Variants in KHDRBS2 observed in about 807,000 individuals in gnomAD.
KHDRBS2 encodes KH RNA binding domain containing, signal transduction associated 2.
A neutral mutation model predicts 44.3 loss-of-function variants in KHDRBS2; 26 were observed. The ratio of observed to expected loss-of-function variants is 0.59; its 90% CI spans 0.43 to 0.81. The LOEUF (loss-of-function observed/expected upper bound fraction) is 0.81, where lower values mean the gene tolerates loss of function less well. Ranked by LOEUF, KHDRBS2 falls within the 40% of genes least tolerant of loss-of-function variation. The probability of loss-of-function intolerance (pLI) is 0.00; values close to 1 mark genes in which losing one functional copy is unlikely to be tolerated. For synonymous variants in KHDRBS2, 194 were observed against 151.1 expected (o/e 1.28, Z -2.08); for missense variants, 476 against 433.1 (o/e 1.10, Z -0.88).
At chr6:61,668,206 T>C in the KHDRBS2 span, among the ~76,000 whole-genome samples, 103 of 151,110 alleles carry the variant, frequency 6.8e-4, 1 homozygote, top group East Asian at 0.013. Flanking sequence ...ATTTATAAAA[T>C]AGTGTGGTAA....
chr6:61,954,938 G>GTGTATATACATATA (rs1766128975), intron 4 of KHDRBS2, among the ~76,000 whole-genome samples: 1 of 28,898 alleles, frequency 3.5e-5, no homozygotes, highest in Non-Finnish European at 6.2e-5. Context: ...ACATACATAT[G>GTGTATATACATATA]TATGTGTATA....
At chr6:61,766,531 G>A (rs2127574517) in intron 6 of KHDRBS2, among the ~76,000 whole-genome samples, 1 of 151,452 alleles carries the variant, frequency 6.6e-6, no homozygotes, top group Non-Finnish European at 1.5e-5. Flanking sequence ...TACTTTTTTA[G>A]TTCTTTAAGA....
chr6:61,583,929 A>T, the KHDRBS2 span, among the ~76,000 whole-genome samples: 1 of 151,482 alleles, frequency 6.6e-6, no homozygotes, highest in Non-Finnish European at 1.5e-5. Context: ...GTATATATAT[A>T]TCTTTTATTA....
At chr6:61,655,932 A>C in the KHDRBS2 span, among the ~76,000 whole-genome samples, 306 of 152,182 alleles carry the variant, frequency 2.0e-3, 2 homozygotes, top group African/African-American at 6.9e-3. Context: ...ATTGCCTCAA[A>C]GTATTCAGTA....
rs115518549 is a variant in KHDRBS2, at chr6:61,751,682, T to C, written c.811-18918A>G. ...GATTAACCAAATTGGCACAGTCTGATTGAAGGAATGGCCTGTTAGTAGAAA... is the reference window on the plus strand; with the variant it reads ...GATTAACCAAATTGGCACAGTCTGACTGAAGGAATGGCCTGTTAGTAGAAA... On this transcript the variant is annotated intron_variant, in intron 6 of 8. Coordinates refer to ENST00000281156, the MANE Select transcript of KHDRBS2 (RefSeq NM_152688.4). Among the ~76,000 whole-genome samples the C allele has an allele frequency of 1.4e-3, 207 of 152,340 alleles. 2 individuals carry two copies. Among genetic ancestry groups the C allele is most frequent in the African/African-American group, 4.8e-3 (199 of 41,576 alleles).
chr6:61,560,401 C>T, the KHDRBS2 span, among the ~76,000 whole-genome samples: 1 of 152,154 alleles, frequency 6.6e-6, no homozygotes, highest in South Asian at 2.1e-4. Context: ...ACTTCCTACC[C>T]CTATCTCCCT....
Position 62,097,208 on chromosome 6 carries a change from G to C in KHDRBS2, c.220-49214C>G, listed in dbSNP as rs372961869. Among the ~76,000 whole-genome samples, 7 of 151,876 alleles carry C rather than the reference G, an allele frequency of 4.6e-5. No individual in the cohort carries two copies. In the East Asian group the frequency reaches 1.4e-3, roughly 29 times the overall value. On this transcript the variant is annotated intron_variant, in intron 2 of 8. Transcript: ENST00000281156. ...TGAGTAGAGTGCGTATTCTGAAGCT[G>C]TTGAGTAGAATGTTCTGTATAGGTC... is the stretch of plus-strand genomic sequence containing the variant.
intron 1 of KHDRBS2, among the ~76,000 whole-genome samples, chr6:62,284,162 C>T (rs1034747180): frequency 6.6e-6 from 1 of 152,146 alleles, no homozygotes; most frequent in Non-Finnish European, 1.5e-5. Context: ...TACTTATGCA[C>T]TCTGTTAAGA....
At chr6:61,906,223 A>G (rs1202420884) in intron 4 of KHDRBS2, among the ~76,000 whole-genome samples, 3 of 152,162 alleles carry the variant, frequency 2.0e-5, no homozygotes, top group Non-Finnish European at 4.4e-5. Context: ...TATTCTGTGC[A>G]TTATAATTTT....
the KHDRBS2 span, among the ~76,000 whole-genome samples, chr6:61,555,636 C>T: frequency 4.6e-5 from 7 of 152,192 alleles, no homozygotes; most frequent in Non-Finnish European, 8.8e-5. Flanking sequence ...TCTGTATAGG[C>T]TGATGCTCCT....
intron 6 of KHDRBS2, among the ~76,000 whole-genome samples, chr6:61,791,260 T>TTTTTC (rs1467448199): frequency 6.6e-6 from 1 of 151,424 alleles, no homozygotes; most frequent in Non-Finnish European, 1.5e-5. Context: ...CATTATTCTT[T>TTTTTC]TTTTCTTCTA....
At chr6:62,193,385 G>A (rs1052060512) in intron 1 of KHDRBS2, among the ~76,000 whole-genome samples, 2 of 151,986 alleles carry the variant, frequency 1.3e-5, no homozygotes, top group African/African-American at 2.4e-5. Flanking sequence ...AATCAAATAT[G>A]TGTTCTAATT....
the KHDRBS2 span, among the ~76,000 whole-genome samples, chr6:61,589,096 G>T: frequency 6.6e-6 from 1 of 152,074 alleles, no homozygotes; most frequent in African/African-American, 2.4e-5. Context: ...CAAAGGGAAG[G>T]AGAGCATTAG....
intron 6 of KHDRBS2, among the ~76,000 whole-genome samples, chr6:61,802,038 G>T (rs534808585): frequency 6.6e-6 from 1 of 152,086 alleles, no homozygotes; most frequent in African/African-American, 2.4e-5. Flanking sequence ...AGATGGAAAG[G>T]GTCACATGAG....
At chr6:61,802,489 TG>T (rs1319873029) in intron 6 of KHDRBS2, among the ~76,000 whole-genome samples, 1 of 152,164 alleles carries the variant, frequency 6.6e-6, no homozygotes, top group Non-Finnish European at 1.5e-5. Context: ...GTGAAGATAA[TG>T]TTTTCATATT....
intron 2 of KHDRBS2, among the ~76,000 whole-genome samples, chr6:62,105,682 G>A (rs1803051746): frequency 6.6e-6 from 1 of 151,806 alleles, no homozygotes; most frequent in Non-Finnish European, 1.5e-5. Context: ...TTTTTTATTA[G>A]TCTTGCTAGC....
intron 6 of KHDRBS2, among the ~76,000 whole-genome samples, chr6:61,843,565 A>G (rs1318440413): frequency 6.6e-6 from 1 of 151,740 alleles, no homozygotes; most frequent in African/African-American, 2.4e-5. Context: ...CGGGGTTGCC[A>G]TGTTGGCCAG....
intron 6 of KHDRBS2, among the ~76,000 whole-genome samples, chr6:61,855,121 G>T (rs1279703389): frequency 6.6e-6 from 1 of 152,012 alleles, no homozygotes; most frequent in African/African-American, 2.4e-5. Context: ...CTCAATTTTT[G>T]GGGGAAGGAG....
chr6:61,753,448 C>G (rs1778041421), intron 6 of KHDRBS2, among the ~76,000 whole-genome samples: 2 of 152,086 alleles, frequency 1.3e-5, no homozygotes. Flanking sequence ...ATATTCTGGA[C>G]AGATAAAAGT....
Sources: allele counts gnomAD v4.1 joint callset (sites outside exome capture counted in the v4.1 genomes callset), GRCh38; gene constraint gnomAD v4.1.1; transcripts MANE v1.5; gene names NCBI Gene and HGNC (gene_info 2026-07-23, HGNC 2026-07-21).